The following IPO7 variants were observed in gnomAD, a reference collection of about 807,000 sequenced individuals.
The protein encoded by IPO7 is importin-7.
A neutral mutation model predicts 136.4 loss-of-function variants in IPO7; 13 were observed. The observed-to-expected ratio is 0.10, with a 90% CI of 0.06 to 0.15. The LOEUF (loss-of-function observed/expected upper bound fraction) is 0.15, where lower values mean the gene tolerates loss of function less well. Among genes scored for constraint, IPO7 ranks in the 10% least tolerant of loss-of-function variants. The probability of loss-of-function intolerance (pLI) is 1.00; values close to 1 mark genes in which losing one functional copy is unlikely to be tolerated. For synonymous variants in IPO7, 403 were observed against 404.4 expected (o/e 1.00, Z 0.04); for missense variants, 857 against 1,240.6 (o/e 0.69, Z 4.65).
chr11:9,395,050 T>C (rs1468441606), intron 1 of IPO7, among the ~76,000 whole-genome samples: 1 of 152,164 alleles, frequency 6.6e-6, no homozygotes, highest in Non-Finnish European at 1.5e-5. Context: ...ACTGGGCATA[T>C]AATTAGGGGC....
At chr11:9,413,526 T>G (rs1183045132) in intron 4 of IPO7, among the ~76,000 whole-genome samples, 2 of 152,068 alleles carry the variant, frequency 1.3e-5, no homozygotes, top group Non-Finnish European at 2.9e-5. Flanking sequence ...AATTTATTAT[T>G]ACTTTCCTCA....
chr11:9,430,177 C>T (rs189179196), intron 15 of IPO7, among the ~76,000 whole-genome samples: 8 of 152,232 alleles, frequency 5.3e-5, no homozygotes, highest in East Asian at 3.9e-4. Context: ...GGCCATGGAC[C>T]GGTACCAGTC....
At chr11:9,413,432 GTTTTA>G (rs1474419287) in intron 4 of IPO7, among the ~76,000 whole-genome samples, 1 of 151,964 alleles carries the variant, frequency 6.6e-6, no homozygotes, top group Admixed American at 6.6e-5. Context: ...ATAATAATCA[GTTTTA>G]TTTATCAGCT....
intron 10 of IPO7, among the ~76,000 whole-genome samples, chr11:9,424,234 C>T (rs1855172346): frequency 6.6e-6 from 1 of 152,154 alleles, no homozygotes; most frequent in Admixed American, 6.6e-5. Context: ...ACATGAAGTC[C>T]TTGCACAGAA....
chr11:9,419,559 A>AAAAAAAAAAAATATAT (rs1256216265), intron 6 of IPO7, among the ~76,000 whole-genome samples: 2 of 116,866 alleles, frequency 1.7e-5, no homozygotes, highest in African/African-American at 3.8e-5. Context: ...AAAAAAAAAA[A>AAAAAAAAAAAATATAT]ATATATATAT....
chr11:9,406,659 T>G (rs1276005491), intron 2 of IPO7, among the ~76,000 whole-genome samples: 1 of 152,088 alleles, frequency 6.6e-6, no homozygotes, highest in Non-Finnish European at 1.5e-5. Flanking sequence ...TCATTTGAAG[T>G]CAGGAGTTCA....
intron 12 of IPO7, among the ~76,000 whole-genome samples, chr11:9,426,754 GT>G (rs201561069): frequency 6.6e-6 from 1 of 151,596 alleles, no homozygotes; most frequent in South Asian, 2.1e-4. Flanking sequence ...GCTTGCCTTT[GT>G]TTTTTTTCTT....
At chr11:9,428,983 G>A (rs149505380) in intron 13 of IPO7, 48 bp from the exon 14 acceptor site, 4 of 1,522,702 alleles carry the variant, frequency 2.6e-6, no homozygotes, top group African/African-American at 2.7e-5. Flanking sequence ...TAGCTTGGGG[G>A]AATTTAAGGT....
chr11:9,429,600 C>T, intron 14 of IPO7, 74 bp from the exon 15 acceptor site: 3 of 1,215,752 alleles, frequency 2.5e-6, no homozygotes, highest in South Asian at 2.8e-5. Context: ...TTAAAAAACT[C>T]ATCGATATTT....
chr11:9,428,470 T>A, intron 12 of IPO7, 70 bp from the exon 13 acceptor site: 1 of 668,752 alleles, frequency 1.5e-6, no homozygotes, highest in Non-Finnish European at 2.6e-6. Flanking sequence ...TTAATAGTGT[T>A]ATATCTGTTT....
At position 9,421,256 on chromosome 11, in the gene IPO7, C is replaced by T. The variant is rs949284430; in HGVS notation, c.906+558C>T. 3.3e-5 allele frequency among the ~76,000 whole-genome samples: 5 copies of T among 150,020 alleles called. No homozygotes were observed. In the South Asian group the frequency reaches 6.4e-4, roughly 19 times the overall value. ...GATTACAGGCATGAACCCCCACCCCCGGCCCAGAATTCTAATTTTTGCTTG... is the reference window on the plus strand; with the variant it reads ...GATTACAGGCATGAACCCCCACCCCTGGCCCAGAATTCTAATTTTTGCTTG... On this transcript the variant is annotated intron_variant, in intron 8 of 24. Transcript: ENST00000379719.
At chr11:9,413,068 C>A (rs916819469) in intron 4 of IPO7, among the ~76,000 whole-genome samples, 1 of 151,914 alleles carries the variant, frequency 6.6e-6, no homozygotes, top group Non-Finnish European at 1.5e-5. Context: ...TTAGTAGAGA[C>A]GGGGTTTCAC....
intron 16 of IPO7, among the ~76,000 whole-genome samples, chr11:9,432,537 A>G (rs1045890489): frequency 6.6e-6 from 1 of 152,216 alleles, no homozygotes; most frequent in African/African-American, 2.4e-5. Context: ...ATAATTGAAT[A>G]TAAGCAGAAG....
chr11:9,425,351 A>T (rs553723026), intron 12 of IPO7, 89 bp downstream of exon 12: 18 of 800,026 alleles, frequency 2.2e-5, no homozygotes, highest in Middle Eastern at 3.5e-4. Context: ...CACTTCTATA[A>T]TCCCAGCACT....
chr11:9,406,021 T>C (rs1265159022), intron 2 of IPO7, among the ~76,000 whole-genome samples: 1 of 149,346 alleles, frequency 6.7e-6, no homozygotes, highest in African/African-American at 2.4e-5. Flanking sequence ...GCCAAACATC[T>C]GGGGCTGCAG....
intron 1 of IPO7, among the ~76,000 whole-genome samples, chr11:9,394,335 C>T (rs893630936): frequency 2.0e-5 from 3 of 151,890 alleles, no homozygotes; most frequent in South Asian, 4.2e-4. Context: ...TGAGAGTGTG[C>T]GTTTTTCTTT....
chr11:9,436,221 C>T lies in IPO7; in HGVS notation c.2173-50C>T, dbSNP rs1480425014. On this transcript the variant is annotated intron_variant, in intron 19 of 24. Transcript: ENST00000379719. ...GAAATTGTTTCCTTGATTTAGATACCTGATTTAAAGGATAAAGCCTTACTG... is the reference window on the plus strand; with the variant it reads ...GAAATTGTTTCCTTGATTTAGATACTTGATTTAAAGGATAAAGCCTTACTG... 3.1e-6 allele frequency: 4 copies of T among 1,286,636 alleles called. No individual in the cohort carries two copies. In the Admixed American group the frequency reaches 7.0e-5, roughly 23 times the overall value. 79.7% of individuals were successfully genotyped at this position (1,286,636 alleles called of 1,614,324 possible).
At chr11:9,408,704 G>GTTTTTTTTTTTTTT (rs377057603) in intron 3 of IPO7, 65 bp downstream of exon 3, 5 of 173,322 alleles carry the variant, frequency 2.9e-5, no homozygotes, top group Middle Eastern at 2.1e-3. Flanking sequence ...TTGTTTTTTG[G>GTTTTTTTTTTTTTT]TTTTTTTTTT....
At position 9,447,049 on chromosome 11, in the gene IPO7, A is replaced by G. The variant is rs1310196662; in HGVS notation, c.*1855A>G. The G allele has an allele frequency of 6.6e-6, 1 of 152,218 alleles. No individual in the cohort carries two copies. Among genetic ancestry groups the G allele is most frequent in the African/African-American group, 2.4e-5 (1 of 41,470 alleles). The allele number at this position is 152,218 out of a possible 1,614,324, so 9.4% of individuals were successfully genotyped here. ...CAATAAAAATGAAGTAGTTGTATAT[A>G]TGCAACATTGTGTACAGAGGGGAAA... On this transcript the variant is annotated 3_prime_UTR_variant, in exon 25 of 25. Coordinates refer to ENST00000379719, the MANE Select transcript of IPO7 (RefSeq NM_006391.3).
Sources: gnomAD v4.1 joint callset for allele counts (sites outside exome capture counted in the v4.1 genomes callset) on GRCh38, gnomAD v4.1.1 for gene constraint, MANE v1.5 for transcripts, NCBI Gene and HGNC (gene_info 2026-07-23, HGNC 2026-07-21) for gene names.